The following NFYC variants were observed in gnomAD, a reference collection of about 807,000 sequenced individuals.
NFYC encodes CAAT box DNA-binding protein subunit C.
NFYC carries 25 observed loss-of-function variants against 53.1 expected under a neutral mutation model. The ratio of observed to expected loss-of-function variants is 0.47; its 90% CI spans 0.34 to 0.66. The LOEUF (loss-of-function observed/expected upper bound fraction) is 0.66. NFYC is among the 30% of genes least tolerant of loss of function. The pLI is 0.01. For synonymous variants in NFYC, 145 were observed against 152.6 expected, an observed-to-expected ratio of 0.95 and a Z score of 0.37; for missense variants, 260 against 422.7, an observed-to-expected ratio of 0.62 and a Z score of 3.38.
chr1:40,747,818 G>A (rs114059116), intron 3 of NFYC, among the ~76,000 whole-genome samples: 1,979 of 148,496 alleles, frequency 0.013, 23 homozygotes, highest in Non-Finnish European at 0.021. Context: ...TTTTTTAGAT[G>A]TTGAAAAAAT....
At chr1:40,753,386 T>C (rs898063382) in intron 5 of NFYC, 140 bp downstream of exon 5, 6 of 577,714 alleles carry the variant, frequency 1.0e-5, no homozygotes, top group Non-Finnish European at 1.9e-5. Flanking sequence ...ATTCTTAACA[T>C]CTCCTTCTGT....
chr1:40,716,749 C>T (rs553616038), intron 1 of NFYC, among the ~76,000 whole-genome samples: 29 of 152,196 alleles, frequency 1.9e-4, no homozygotes, highest in African/African-American at 6.3e-4. Flanking sequence ...TCATCATCAT[C>T]GTTTTTATTA....
chr1:40,768,040 TG>T (rs1435699292), intron 8 of NFYC, among the ~76,000 whole-genome samples: 1 of 152,144 alleles, frequency 6.6e-6, no homozygotes, highest in Non-Finnish European at 1.5e-5. Flanking sequence ...TGGGAGAGGC[TG>T]GGGAGAAGCA....
intron 1 of NFYC, among the ~76,000 whole-genome samples, chr1:40,731,651 A>AT (rs1471167499): frequency 6.6e-6 from 1 of 150,996 alleles, no homozygotes; most frequent in African/African-American, 2.4e-5. Flanking sequence ...CACCCAGCTA[A>AT]TTTTTTATAT....
At chr1:40,704,712 A>C (rs1281533370) in intron 1 of NFYC, among the ~76,000 whole-genome samples, 2 of 152,218 alleles carry the variant, frequency 1.3e-5, no homozygotes, top group Non-Finnish European at 2.9e-5. Flanking sequence ...GATTGGGTTA[A>C]TCTGGTACAT....
intron 1 of NFYC, chr1:40,721,633 T>A (rs1436524836): frequency 6.6e-6 from 1 of 152,340 alleles, no homozygotes; most frequent in Non-Finnish European, 1.5e-5. Context: ...CAATCATGGC[T>A]CATTGCAGTC....
chr1:40,736,560 A>C (rs1340301090), intron 1 of NFYC, among the ~76,000 whole-genome samples: 2 of 152,184 alleles, frequency 1.3e-5, no homozygotes, highest in Non-Finnish European at 2.9e-5. Flanking sequence ...AAACCTTTTC[A>C]AATAATTCCT....
At position 40,750,430 on chromosome 1, in the gene NFYC, C is replaced by G. The variant is rs150868588; in HGVS notation, c.291+744C>G. The stretch of plus-strand genomic sequence containing the variant: ...TATTCATTTATTCTAAAAATACTTA[C>G]TGAACACCCACAATGTGCCGGGCAC... On this transcript the variant is annotated intron_variant, in intron 4 of 9. Coordinates refer to ENST00000447388, the MANE Select transcript of NFYC (RefSeq NM_014223.5). Among the ~76,000 whole-genome samples the G allele has an allele frequency of 7.0e-3, 1,068 of 152,310 alleles. 18 individuals are homozygous for G. Among genetic ancestry groups the G allele is most frequent in the African/African-American group, 0.024 (1,005 of 41,560 alleles).
At chr1:40,735,466 T>G (rs2148580653) in intron 1 of NFYC, 1 of 354,816 alleles carries the variant, frequency 2.8e-6, no homozygotes, top group South Asian at 1.2e-4. Context: ...CATCTGTAGT[T>G]GGGACAGTTC....
Position 40,770,885 on chromosome 1 carries a change from G to A in NFYC, c.*57G>A. 1 of 1,577,596 alleles carries A rather than the reference G, an allele frequency of 6.3e-7. No homozygotes were observed. The highest frequency in any genetic ancestry group is 2.2e-5 in the East Asian group (1 of 44,688). On this transcript the variant is annotated 3_prime_UTR_variant, in exon 10 of 10. Transcript: ENST00000447388. This position sits in a 1 kb window ranked among gnomAD's most constrained non-coding sequence, Gnocchi z 5.3. ...ACACAATTTTTGCCATACAGCCCCA[G>A]GCAATGGGCACAGCCTTCCTCCCCA... is the stretch of plus-strand genomic sequence containing the variant.
In NFYC at chr1:40,749,671, G is replaced by A. The variant is rs1381732440; in HGVS notation, c.276G>A (p.Lys92=). The A allele has an allele frequency of 3.1e-6, 5 of 1,614,074 alleles. No individual in the cohort carries two copies. The highest frequency in any genetic ancestry group is 1.7e-5 in the Admixed American group (1 of 60,028). Residue 92 remains lysine, a synonymous_variant, in exon 4 of 10, where the codon AAG becomes AAA. Coordinates refer to ENST00000447388, the MANE Select transcript of NFYC (RefSeq NM_014223.5). ...LRAWIHTEDN[K]RRTLQRNDIA... ...CCTGGATTCACACAGAAGATAACAAGCGCCGGACTCTACAGGTATTATTGC... is the reference window on the plus strand; with the variant it reads ...CCTGGATTCACACAGAAGATAACAAACGCCGGACTCTACAGGTATTATTGC...
intron 8 of NFYC, 123 bp downstream of exon 8, chr1:40,766,826 C>CA: frequency 6.7e-7 from 1 of 1,482,800 alleles, no homozygotes; most frequent in Non-Finnish European, 9.3e-7. Context: ...GCACCACCCC[C>CA]ACACCCTCCA....
intron 2 of NFYC, among the ~76,000 whole-genome samples, chr1:40,746,097 A>G (rs1485786632): frequency 6.6e-6 from 1 of 152,210 alleles, no homozygotes; most frequent in Non-Finnish European, 1.5e-5. Flanking sequence ...GCAAGGGGAA[A>G]AACAAGAATA....
intron 1 of NFYC, among the ~76,000 whole-genome samples, chr1:40,724,078 A>G (rs1239622367): frequency 6.6e-6 from 1 of 152,066 alleles, no homozygotes; most frequent in African/African-American, 2.4e-5. Flanking sequence ...GACAATATAA[A>G]CTAATTAGGG....
At chr1:40,707,337 T>C (rs1219242575) in intron 1 of NFYC, among the ~76,000 whole-genome samples, 1 of 147,814 alleles carries the variant, frequency 6.8e-6, no homozygotes, top group African/African-American at 2.5e-5. Flanking sequence ...CTACTAAAAA[T>C]ACAAAAATTA....
chr1:40,753,495 G>A (rs1646029811), intron 5 of NFYC, among the ~76,000 whole-genome samples: 1 of 152,194 alleles, frequency 6.6e-6, no homozygotes, highest in South Asian at 2.1e-4. Context: ...AAATGGTAAA[G>A]TTAAGCTCAT....
At chr1:40,713,355 C>G (rs1038559267) in intron 1 of NFYC, among the ~76,000 whole-genome samples, 2 of 152,196 alleles carry the variant, frequency 1.3e-5, no homozygotes, top group Non-Finnish European at 2.9e-5. Context: ...TTGATACTGA[C>G]TTTACCAAAT....
intron 1 of NFYC, among the ~76,000 whole-genome samples, chr1:40,725,055 A>G (rs1359474951): frequency 6.6e-6 from 1 of 152,224 alleles, no homozygotes; most frequent in African/African-American, 2.4e-5. Flanking sequence ...AGTGAAGACT[A>G]TTCAGTAGCC....
At chr1:40,761,208 G>A (rs755632132) in intron 6 of NFYC, among the ~76,000 whole-genome samples, 3 of 152,200 alleles carry the variant, frequency 2.0e-5, no homozygotes, top group South Asian at 2.1e-4. Flanking sequence ...TTTAGTCAGC[G>A]AGAATTTCAT....
Sources: gnomAD v4.1 joint callset for allele counts (sites outside exome capture counted in the v4.1 genomes callset) on GRCh38, gnomAD v4.1.1 for gene constraint, Gnocchi (gnomAD v3.1) non-coding constraint, MANE v1.5 for transcripts, NCBI Gene and HGNC (gene_info 2026-07-23, HGNC 2026-07-21) for gene names.